The following CX3CR1 variants were observed in gnomAD, a reference collection of about 807,000 sequenced individuals.
The protein encoded by CX3CR1 is C-X3-C motif chemokine receptor 1, also known as CX3C chemokine receptor 1.
For synonymous variants in CX3CR1, 168 were observed against 178.5 expected (o/e 0.94, Z 0.47); for missense variants, 363 against 432.4 (o/e 0.84, Z 1.42).
intron 1 of CX3CR1, among the ~76,000 whole-genome samples, chr3:39,273,639 GA>G (rs2040805483): frequency 6.6e-6 from 1 of 152,178 alleles, no homozygotes; most frequent in African/African-American, 2.4e-5. Context: ...GAATCAAACA[GA>G]AGGAAACTGT....
rs770929576 is a variant in CX3CR1 at position 39,265,933 on chromosome 3, C to T, written c.577G>A (p.Val193Met). Reference protein sequence around the residue: ...LQEIWPVLRNVETNFLGFLLP... With the variant: ...LQEIWPVLRNMETNFLGFLLP... ...AGGAAGCCAAGAAAATTTGTTTCCA[C>T]ATTGCGGAGCACGGGCCAGATTTCC... Residue 193 changes from valine to methionine, a missense_variant, in exon 2 of 2, where the codon GTG becomes ATG. By Grantham distance (21) the Val-to-Met change is conservative (BLOSUM62 1). Coordinates refer to ENST00000399220, the MANE Select transcript of CX3CR1 (RefSeq NM_001337.4). 1.2e-6 allele frequency: 2 copies of T among 1,614,204 alleles called. No homozygotes were observed. Among genetic ancestry groups the T allele is most frequent in the Non-Finnish European group, 1.7e-6 (2 of 1,180,042 alleles).
chr3:39,289,408 GC>G, the CX3CR1 span, among the ~76,000 whole-genome samples: 1 of 152,174 alleles, frequency 6.6e-6, no homozygotes, highest in African/African-American at 2.4e-5. Flanking sequence ...CATTAGTGGA[GC>G]CTCTCAGAGT....
At chr3:39,268,818 C>CTGTT (rs1159594046) in intron 1 of CX3CR1, among the ~76,000 whole-genome samples, 2 of 152,188 alleles carry the variant, frequency 1.3e-5, no homozygotes, top group Non-Finnish European at 2.9e-5. Context: ...GCCCACAGAA[C>CTGTT]TGTTTTAAGG....
chr3:39,268,654 C>G (rs1395322525), intron 1 of CX3CR1, among the ~76,000 whole-genome samples: 1 of 152,202 alleles, frequency 6.6e-6, no homozygotes, highest in East Asian at 1.9e-4. Flanking sequence ...CTTTATGTGC[C>G]TGTGGTCGGT....
chr3:39,266,913 A>G (rs1249735759), intron 1 of CX3CR1, among the ~76,000 whole-genome samples: 1 of 151,888 alleles, frequency 6.6e-6, no homozygotes, highest in Admixed American at 6.5e-5. Flanking sequence ...CCTCCCAAAT[A>G]GCTGGGATTA....
intron 1 of CX3CR1, among the ~76,000 whole-genome samples, chr3:39,272,714 A>G (rs1364173575): frequency 6.6e-6 from 1 of 152,182 alleles, no homozygotes; most frequent in Non-Finnish European, 1.5e-5. Flanking sequence ...TCTGGTGCCA[A>G]GAAAATTGTG....
Position 39,279,976 on chromosome 3 carries a change from C to T in CX3CR1, c.-32G>A. The T allele has an allele frequency of 5.1e-6, 5 of 985,534 alleles. No individual in the cohort carries two copies. The highest frequency in any genetic ancestry group is 4.8e-6 in the Non-Finnish European group (4 of 830,008). The allele number at this position is 985,534 out of a possible 1,614,324, so 61.0% of individuals were successfully genotyped here. ...TACCTGGCGTGGACTGCCAAGGGAA[C>T]CTCTGGATCTGCCAGTCAGCCACCC... On this transcript the variant is annotated 5_prime_UTR_variant, in exon 1 of 2. Transcript: ENST00000399220.
chr3:39,272,253 A>G (rs2040786493), intron 1 of CX3CR1, among the ~76,000 whole-genome samples: 1 of 152,208 alleles, frequency 6.6e-6, no homozygotes, highest in African/African-American at 2.4e-5. Flanking sequence ...CTTACCCACT[A>G]TTCAGTTAAG....
the CX3CR1 span, among the ~76,000 whole-genome samples, chr3:39,291,404 A>G: frequency 6.6e-6 from 1 of 152,204 alleles, no homozygotes; most frequent in Non-Finnish European, 1.5e-5. Context: ...TGCAACATGT[A>G]GATTCAGTCA....
the CX3CR1 span, among the ~76,000 whole-genome samples, chr3:39,289,511 C>G: frequency 6.6e-6 from 1 of 152,152 alleles, no homozygotes; most frequent in Non-Finnish European, 1.5e-5. Flanking sequence ...CCCTCTTACT[C>G]CACTTGCTTG....
At chr3:39,288,376 C>G in the CX3CR1 span, among the ~76,000 whole-genome samples, 2 of 152,234 alleles carry the variant, frequency 1.3e-5, no homozygotes, top group Admixed American at 1.3e-4. Context: ...AGGGCAGGGT[C>G]TCTACCCTTT....
upstream of CX3CR1, chr3:39,280,039 T>C: frequency 5.1e-6 from 5 of 985,422 alleles, no homozygotes; most frequent in Non-Finnish European, 6.0e-6. Flanking sequence ...AGTATTTCCC[T>C]TTCCTTCCCT....
upstream of CX3CR1, chr3:39,281,329 C>G: frequency 1.1e-6 from 1 of 889,290 alleles, no homozygotes; most frequent in South Asian, 3.3e-5. Flanking sequence ...CACCCCACAC[C>G]ACCCCTTGAT....
upstream of CX3CR1, among the ~76,000 whole-genome samples, chr3:39,285,153 C>T (rs1357767232): frequency 6.9e-6 from 1 of 145,452 alleles, no homozygotes; most frequent in Non-Finnish European, 1.5e-5. Context: ...GTGGGAAGAT[C>T]ATTTGAGTCC....
upstream of CX3CR1, among the ~76,000 whole-genome samples, chr3:39,283,279 A>G (rs1320462686): frequency 1.3e-5 from 2 of 152,160 alleles, no homozygotes; most frequent in Admixed American, 6.5e-5. Flanking sequence ...CACACAGCTC[A>G]TGTGTGGTAG....
Position 39,265,324 on chromosome 3 carries a change from T to TGCATTGGGTCCATCATTTTGTGC in CX3CR1, c.*95_*117dup. Reference sequence around the variant, plus strand: ...AACAACACTCTAGGGTTGTTTTGTGTGCATTGGGTCCATCATTTTGTGCCT... The same window carrying TGCATTGGGTCCATCATTTTGTGC: ...AACAACACTCTAGGGTTGTTTTGTGTGCATTGGGTCCATCATTTTGTGCGCATTGGGTCCATCATTTTGTGCCT... On this transcript the variant is annotated 3_prime_UTR_variant, in exon 2 of 2. Transcript: ENST00000399220. The TGCATTGGGTCCATCATTTTGTGC allele has an allele frequency of 7.6e-6, 8 of 1,057,926 alleles. No homozygotes were observed. The highest frequency in any genetic ancestry group is 1.1e-5 in the Non-Finnish European group (8 of 728,348). The allele number at this position is 1,057,926 out of a possible 1,614,324, so 65.5% of individuals were successfully genotyped here. A position where few individuals can be genotyped will look rare whatever the true frequency, so the allele number is the denominator to read the frequency against.
upstream of CX3CR1, among the ~76,000 whole-genome samples, chr3:39,285,698 A>G (rs138473937): frequency 6.6e-6 from 1 of 152,356 alleles, no homozygotes; most frequent in East Asian, 1.9e-4. Flanking sequence ...AAATTAAAAA[A>G]TCTGCTCTCT....
At chr3:39,290,540 C>T in the CX3CR1 span, among the ~76,000 whole-genome samples, 1 of 152,168 alleles carries the variant, frequency 6.6e-6, no homozygotes, top group East Asian at 1.9e-4. Flanking sequence ...GACCTTCATT[C>T]ACTATGCCAA....
At chr3:39,272,459 A>T (rs1291131022) in intron 1 of CX3CR1, among the ~76,000 whole-genome samples, 2 of 152,082 alleles carry the variant, frequency 1.3e-5, no homozygotes, top group Non-Finnish European at 2.9e-5. Flanking sequence ...TTTTTAGGGG[A>T]GGGACACTCA....
Sources: allele counts gnomAD v4.1 joint callset (sites outside exome capture counted in the v4.1 genomes callset), GRCh38; gene constraint gnomAD v4.1.1; transcripts MANE v1.5; gene names NCBI Gene and HGNC (gene_info 2026-07-23, HGNC 2026-07-21).